Variants in SVOPL observed in about 807,000 individuals in gnomAD.
SVOPL encodes the protein putative transporter SVOPL.
In SVOPL, 60 loss-of-function variants were observed where a neutral mutation model predicts 61.0. That is an observed-to-expected ratio of 0.98 (90% CI 0.80 to 1.22). The LOEUF is 1.22. Among genes scored for constraint, SVOPL ranks in the 50% most tolerant of loss-of-function variants. The probability of loss-of-function intolerance (pLI) is 0.00; values close to 1 mark genes in which losing one functional copy is unlikely to be tolerated. For synonymous variants in SVOPL, 279 were observed against 250.0 expected (o/e 1.12, Z -1.09); for missense variants, 662 against 643.9 (o/e 1.03, Z -0.30).
At chr7:138,669,332 C>A (rs1802356987) in intron 4 of SVOPL, among the ~76,000 whole-genome samples, 1 of 152,058 alleles carries the variant, frequency 6.6e-6, no homozygotes, top group Admixed American at 6.6e-5. Flanking sequence ...TATTTGAGCC[C>A]AGGAGTTCAA....
intron 4 of SVOPL, among the ~76,000 whole-genome samples, chr7:138,666,218 C>T (rs961392829): frequency 2.6e-5 from 4 of 152,220 alleles, no homozygotes; most frequent in Non-Finnish European, 4.4e-5. Context: ...GGCCACGGTT[C>T]GCCATGGCAC....
At chr7:138,664,602 C>T in intron 4 of SVOPL, among the ~76,000 whole-genome samples, 1 of 149,974 alleles carries the variant, frequency 6.7e-6, no homozygotes, top group Non-Finnish European at 1.5e-5. Context: ...CGGGCACGCC[C>T]CTGACCCTCC....
chr7:138,657,433 C>T (rs1478453347), intron 6 of SVOPL, among the ~76,000 whole-genome samples: 1 of 152,076 alleles, frequency 6.6e-6, no homozygotes, highest in Non-Finnish European at 1.5e-5. Flanking sequence ...TGAGCCACTG[C>T]ACTCAGCCTG....
intron 4 of SVOPL, among the ~76,000 whole-genome samples, chr7:138,663,833 C>T (rs975646381): frequency 1.2e-4 from 18 of 152,254 alleles, no homozygotes; most frequent in African/African-American, 3.9e-4. Flanking sequence ...CAAAGGAATG[C>T]TGTCAGCTCG....
intron 5 of SVOPL, 101 bp downstream of exon 5, chr7:138,662,973 T>A: frequency 6.4e-7 from 1 of 1,567,324 alleles, no homozygotes; most frequent in South Asian, 1.2e-5. Context: ...CTATCTTGGG[T>A]ATTGGGAGGG....
intron 8 of SVOPL, 134 bp downstream of exon 8, chr7:138,648,878 C>T (rs1801273848): frequency 2.3e-6 from 3 of 1,323,636 alleles, no homozygotes; most frequent in Non-Finnish European, 3.0e-6. Context: ...GCCGAGATTG[C>T]ACCTCTGCAC....
In SVOPL at chr7:138,615,560, C is replaced by CAAAAAAAAAAAAAAAAAAAAA. The variant is rs770404185; in HGVS notation, c.1353+5465_1353+5485dup. Among the ~76,000 whole-genome samples, 4 of 5,542 alleles carry CAAAAAAAAAAAAAAAAAAAAA rather than the reference C, an allele frequency of 7.2e-4. 1 individual carries two copies. Among genetic ancestry groups the CAAAAAAAAAAAAAAAAAAAAA allele is most frequent in the African/African-American group, 1.3e-3 (4 of 3,014 alleles). The allele number at this position is 5,542 out of a possible 152,430, so 3.6% of individuals were successfully genotyped here. ...GGGTGACAGAGCGAGACTCCGTCTC[C>CAAAAAAAAAAAAAAAAAAAAA]AAAAAAAAAAAAAAAAAAAAAAAAA... On this transcript the variant is annotated intron_variant, in intron 14 of 15. Coordinates refer to ENST00000674285, the MANE Select transcript of SVOPL (RefSeq NM_001139456.2).
At chr7:138,663,004 C>T in intron 5 of SVOPL, 70 bp downstream of exon 5, 1 of 1,605,878 alleles carries the variant, frequency 6.2e-7, no homozygotes, top group South Asian at 1.1e-5. Context: ...TAAAGAGAAA[C>T]AGTGATAAGG....
chr7:138,608,218 T>C (rs1187701166), intron 14 of SVOPL, among the ~76,000 whole-genome samples: 2 of 152,190 alleles, frequency 1.3e-5, no homozygotes, highest in Non-Finnish European at 2.9e-5. Flanking sequence ...ATTGAACACA[T>C]TAACAATTAA....
intron 9 of SVOPL, among the ~76,000 whole-genome samples, chr7:138,644,283 G>A (rs1800983166): frequency 6.7e-6 from 1 of 149,804 alleles, no homozygotes; most frequent in African/African-American, 2.5e-5. Context: ...ATAGATATCA[G>A]GTCAAACTAC....
chr7:138,609,355 A>G (rs1156253871), intron 14 of SVOPL, among the ~76,000 whole-genome samples: 1 of 152,044 alleles, frequency 6.6e-6, no homozygotes, highest in Non-Finnish European at 1.5e-5. Context: ...TTGGATAAAA[A>G]TGTAAGCACA....
intron 1 of SVOPL, among the ~76,000 whole-genome samples, chr7:138,681,885 C>T (rs1034218434): frequency 3.9e-5 from 6 of 152,064 alleles, no homozygotes; most frequent in African/African-American, 1.4e-4. Context: ...ACAATTTGAA[C>T]ATCAGAAAAA....
intron 14 of SVOPL, among the ~76,000 whole-genome samples, chr7:138,606,373 T>C (rs966201058): frequency 2.1e-4 from 32 of 152,026 alleles, no homozygotes; most frequent in Non-Finnish European, 3.7e-4. Context: ...CATTTTTCAG[T>C]TGAATACAAA....
chr7:138,634,132 T>C (rs1187536532), intron 9 of SVOPL, among the ~76,000 whole-genome samples: 3 of 152,208 alleles, frequency 2.0e-5, no homozygotes, highest in Non-Finnish European at 4.4e-5. Flanking sequence ...TATGCATTCA[T>C]TCCCTGCCTT....
intron 14 of SVOPL, among the ~76,000 whole-genome samples, chr7:138,620,122 TTG>T (rs1407728762): frequency 4.7e-5 from 6 of 126,424 alleles, no homozygotes; most frequent in Admixed American, 1.8e-4. Context: ...TTTTTCTGTT[TTG>T]TTTTTTTTTT....
chr7:138,622,144 A>C (rs1799657255), intron 13 of SVOPL, among the ~76,000 whole-genome samples: 1 of 131,728 alleles, frequency 7.6e-6, no homozygotes, highest in Non-Finnish European at 1.7e-5. Flanking sequence ...CTATGTATCT[A>C]TCTATGTATC....
chr7:138,688,953 C>A, intron 1 of SVOPL: 2 of 570,588 alleles, frequency 3.5e-6, no homozygotes, highest in South Asian at 3.2e-5. Context: ...TTCCTCTTTC[C>A]CTAAGCGGCC....
intron 5 of SVOPL, chr7:138,662,710 C>A (rs533075140): frequency 1.6e-5 from 17 of 1,057,096 alleles, no homozygotes; most frequent in Non-Finnish European, 1.7e-5. Flanking sequence ...GTAAACTGGA[C>A]GTGGTGGGGG....
At chr7:138,695,992 G>C (rs947258806) in intron 1 of SVOPL, among the ~76,000 whole-genome samples, 1 of 152,094 alleles carries the variant, frequency 6.6e-6, no homozygotes, top group Admixed American at 6.6e-5. Flanking sequence ...ATGTTGGCTA[G>C]GCTTGTCTTG....
Sources: gnomAD v4.1 joint callset for allele counts (sites outside exome capture counted in the v4.1 genomes callset) on GRCh38, gnomAD v4.1.1 for gene constraint, MANE v1.5 for transcripts, NCBI Gene and HGNC (gene_info 2026-07-23, HGNC 2026-07-21) for gene names.